The following CLYBL variants were observed in gnomAD, a reference collection of about 807,000 sequenced individuals.
CLYBL encodes citramalyl-CoA lyase, also known as citramalyl-CoA lyase, mitochondrial.
In CLYBL, 31 loss-of-function variants were observed where a neutral mutation model predicts 38.9. The ratio of observed to expected loss-of-function variants is 0.80; its 90% CI spans 0.60 to 1.08. The LOEUF (loss-of-function observed/expected upper bound fraction) is 1.08. Ranked by LOEUF, CLYBL falls within the 50% of genes least tolerant of loss-of-function variation. The probability of loss-of-function intolerance (pLI) is 0.00; values close to 1 mark genes in which losing one functional copy is unlikely to be tolerated. For synonymous variants in CLYBL, 171 were observed against 158.6 expected (o/e 1.08, Z -0.59); for missense variants, 434 against 411.6 (o/e 1.05, Z -0.47).
intron 1 of CLYBL, among the ~76,000 whole-genome samples, chr13:99,678,073 C>T (rs527391625): frequency 3.3e-5 from 5 of 152,290 alleles, no homozygotes; most frequent in African/African-American, 1.2e-4. Context: ...GCGTGTTTTC[C>T]ACTGGAAATA....
At chr13:99,677,143 G>A (rs1329390575) in intron 1 of CLYBL, among the ~76,000 whole-genome samples, 1 of 152,052 alleles carries the variant, frequency 6.6e-6, no homozygotes, top group Non-Finnish European at 1.5e-5. Context: ...AATGCAATAA[G>A]TCACCTCAAA....
At chr13:99,827,981 C>T (rs2050729021) in intron 2 of CLYBL, among the ~76,000 whole-genome samples, 1 of 152,176 alleles carries the variant, frequency 6.6e-6, no homozygotes, top group African/African-American at 2.4e-5. Context: ...CCCTTTGATT[C>T]AGAGATTTTC....
At chr13:99,847,939 T>C (rs1469081619) in intron 2 of CLYBL, among the ~76,000 whole-genome samples, 2 of 152,216 alleles carry the variant, frequency 1.3e-5, no homozygotes, top group Non-Finnish European at 2.9e-5. Context: ...CCCCTGCCCT[T>C]CAGGGCTCTC....
chr13:99,723,414 T>C (rs573373645), intron 1 of CLYBL, among the ~76,000 whole-genome samples: 1 of 152,340 alleles, frequency 6.6e-6, no homozygotes, highest in South Asian at 2.1e-4. Context: ...AATTATGAGC[T>C]TTCTTCTTTT....
chr13:99,804,872 CT>C (rs2050200974), intron 2 of CLYBL, among the ~76,000 whole-genome samples: 1 of 152,158 alleles, frequency 6.6e-6, no homozygotes, highest in Non-Finnish European at 1.5e-5. Flanking sequence ...ATCTCCAGAA[CT>C]TTTCATCTTC....
chr13:99,713,862 A>T (rs1297693092), intron 1 of CLYBL, among the ~76,000 whole-genome samples: 1 of 151,284 alleles, frequency 6.6e-6, no homozygotes, highest in East Asian at 2.0e-4. Flanking sequence ...TTTTAAATAT[A>T]TTTTTTTGTA....
intron 2 of CLYBL, among the ~76,000 whole-genome samples, chr13:99,801,703 A>G (rs1229021188): frequency 2.0e-5 from 3 of 152,176 alleles, no homozygotes; most frequent in Non-Finnish European, 4.4e-5. Flanking sequence ...AGGTAATGTG[A>G]CAGTTGATAG....
At chr13:99,829,446 C>T (rs1459831081) in intron 2 of CLYBL, among the ~76,000 whole-genome samples, 1 of 152,194 alleles carries the variant, frequency 6.6e-6, no homozygotes, top group Non-Finnish European at 1.5e-5. Flanking sequence ...ATGCCTCTCT[C>T]ATGTACAAGT....
chr13:99,654,629 C>T (rs2047302259), intron 1 of CLYBL, among the ~76,000 whole-genome samples: 1 of 152,196 alleles, frequency 6.6e-6, no homozygotes, highest in African/African-American at 2.4e-5. Flanking sequence ...GTGGGCAGAG[C>T]ACATAGCCTC....
At chr13:99,804,313 ACT>A (rs2050190635) in intron 2 of CLYBL, among the ~76,000 whole-genome samples, 2 of 151,928 alleles carry the variant, frequency 1.3e-5, no homozygotes, top group African/African-American at 4.8e-5. Context: ...TGTTCAGCAG[ACT>A]CTTGTTGTTT....
At chr13:99,632,295 G>T (rs1408319089) in intron 1 of CLYBL, among the ~76,000 whole-genome samples, 1 of 152,202 alleles carries the variant, frequency 6.6e-6, no homozygotes, top group Non-Finnish European at 1.5e-5. Flanking sequence ...ACTAAGCAAA[G>T]ATCTTGGCCA....
chr13:99,876,069 C>CTTTTTTTTTT (rs10625169), intron 7 of CLYBL, among the ~76,000 whole-genome samples: 2 of 106,664 alleles, frequency 1.9e-5, no homozygotes, highest in Non-Finnish European at 3.5e-5. Flanking sequence ...TTCTATTTCA[C>CTTTTTTTTTT]TTTTTTTTTT....
chr13:99,878,648 CAAT>C (rs2052112527), intron 7 of CLYBL, among the ~76,000 whole-genome samples: 1 of 152,160 alleles, frequency 6.6e-6, no homozygotes, highest in Non-Finnish European at 1.5e-5. Flanking sequence ...AATCGTACCT[CAAT>C]AAAGCCACTT....
chr13:99,720,586 A>T (rs1245286063), intron 1 of CLYBL, among the ~76,000 whole-genome samples: 4 of 152,146 alleles, frequency 2.6e-5, no homozygotes, highest in Non-Finnish European at 5.9e-5. Context: ...CAGCCTTTGT[A>T]TGGAGAACGT....
chr13:99,807,663 G>T (rs562158581), intron 2 of CLYBL, among the ~76,000 whole-genome samples: 1 of 152,176 alleles, frequency 6.6e-6, no homozygotes, highest in Admixed American at 6.5e-5. Context: ...GGCCGGGGGG[G>T]AAGGAGGAAC....
At chr13:99,790,297 G>C (rs2049889062) in intron 2 of CLYBL, among the ~76,000 whole-genome samples, 1 of 152,182 alleles carries the variant, frequency 6.6e-6, no homozygotes, top group African/African-American at 2.4e-5. Flanking sequence ...TAGCCTCAAT[G>C]GTCTTTACAA....
At chr13:99,777,491 C>CT (rs2049543845) in intron 2 of CLYBL, among the ~76,000 whole-genome samples, 1 of 116,190 alleles carries the variant, frequency 8.6e-6, no homozygotes, top group African/African-American at 3.0e-5. Context: ...CTTTTCTTTT[C>CT]TTTTCTTTTT....
intron 1 of CLYBL, among the ~76,000 whole-genome samples, chr13:99,713,232 T>G (rs912877724): frequency 1.3e-5 from 2 of 152,152 alleles, no homozygotes; most frequent in African/African-American, 4.8e-5. Flanking sequence ...TGATGTACTT[T>G]GATGGGATCA....
chr13:99,852,628 G>T (rs2051359389), intron 2 of CLYBL, among the ~76,000 whole-genome samples: 1 of 152,108 alleles, frequency 6.6e-6, no homozygotes, highest in African/African-American at 2.4e-5. Context: ...ACTTTTTATT[G>T]TGGAAATATT....
Sources: allele counts gnomAD v4.1 joint callset (sites outside exome capture counted in the v4.1 genomes callset), GRCh38; gene constraint gnomAD v4.1.1; transcripts MANE v1.5; gene names NCBI Gene and HGNC (gene_info 2026-07-23, HGNC 2026-07-21).